Variants in DENND2A observed in about 807,000 individuals in gnomAD.
The protein encoded by DENND2A is DENN domain containing 2A, also known as DENN domain-containing protein 2A.
A neutral mutation model predicts 105.3 loss-of-function variants in DENND2A; 53 were observed. The ratio of observed to expected loss-of-function variants is 0.50; its 90% CI spans 0.40 to 0.63. The LOEUF (loss-of-function observed/expected upper bound fraction) is 0.63, where lower values mean the gene tolerates loss of function less well. Ranked by LOEUF, DENND2A falls within the 30% of genes least tolerant of loss-of-function variation. DENND2A has a pLI of 0.00. For missense variants in DENND2A, 1,138 were observed against 1,279.6 expected, an observed-to-expected ratio of 0.89 and a Z score of 1.69; for synonymous variants, 522 against 508.4, an observed-to-expected ratio of 1.03 and a Z score of -0.36.
At chr7:140,641,097 C>T (rs991837451), upstream of DENND2A, among the ~76,000 whole-genome samples, 2 of 152,298 alleles carry the variant, frequency 1.3e-5, no homozygotes, top group Non-Finnish European at 2.9e-5. Context: ...TAGACCTGGA[C>T]GTCCAAGCCT....
At chr7:140,525,848 T>C in intron 15 of DENND2A, 56 bp from the exon 16 acceptor site, 1 of 1,476,350 alleles carries the variant, frequency 6.8e-7, no homozygotes, top group Admixed American at 2.0e-5. Context: ...GGGATAGGGA[T>C]GGACTCATAG....
intron 3 of DENND2A, among the ~76,000 whole-genome samples, chr7:140,589,867 G>A (rs1798938764): frequency 6.6e-6 from 1 of 152,268 alleles, no homozygotes; most frequent in Middle Eastern, 3.4e-3. Context: ...GGGCTCAAGC[G>A]ATCCTCCTGT....
intron 1 of DENND2A, among the ~76,000 whole-genome samples, chr7:140,638,878 T>C (rs1233393693): frequency 2.0e-5 from 3 of 152,232 alleles, no homozygotes; most frequent in African/African-American, 7.2e-5. Flanking sequence ...ACAGCCAGGC[T>C]GGGCAGGACT....
intron 1 of DENND2A, among the ~76,000 whole-genome samples, chr7:140,638,493 G>T (rs531507053): frequency 7.2e-5 from 11 of 152,036 alleles, no homozygotes; most frequent in African/African-American, 2.7e-4. Flanking sequence ...AAAAGCCTTG[G>T]TCTCCTCCTC....
chr7:140,549,921 A>C (rs889242585), intron 12 of DENND2A, among the ~76,000 whole-genome samples: 1 of 152,232 alleles, frequency 6.6e-6, no homozygotes, highest in Non-Finnish European at 1.5e-5. Context: ...GTACATACAT[A>C]CAGTGGAATA....
chr7:140,545,448 T>C (rs1796856745), intron 13 of DENND2A, among the ~76,000 whole-genome samples: 1 of 152,156 alleles, frequency 6.6e-6, no homozygotes, highest in Non-Finnish European at 1.5e-5. Flanking sequence ...CCTCCCAGGT[T>C]TGAGCGATTC....
At chr7:140,520,541 A>G (rs991989911) in intron 18 of DENND2A, among the ~76,000 whole-genome samples, 5 of 149,504 alleles carry the variant, frequency 3.3e-5, no homozygotes, top group Non-Finnish European at 5.9e-5. Flanking sequence ...CTGATCTTTC[A>G]TGGACAGAGG....
intron 14 of DENND2A, among the ~76,000 whole-genome samples, chr7:140,540,312 G>T (rs1224499538): frequency 6.6e-6 from 1 of 152,268 alleles, no homozygotes; most frequent in Non-Finnish European, 1.5e-5. Context: ...CAACGTGCCC[G>T]TGGGGAGACC....
chr7:140,625,616 C>T (rs1800492528), intron 1 of DENND2A, among the ~76,000 whole-genome samples: 2 of 150,698 alleles, frequency 1.3e-5, no homozygotes, highest in South Asian at 4.2e-4. Flanking sequence ...CAGGAGGCAG[C>T]GTTTGCAGTG....
intron 14 of DENND2A, among the ~76,000 whole-genome samples, chr7:140,542,946 G>T (rs1014689005): frequency 6.6e-6 from 1 of 151,994 alleles, no homozygotes; most frequent in East Asian, 1.9e-4. Flanking sequence ...CCTGCAATGT[G>T]CTGACTACTT....
intron 14 of DENND2A, among the ~76,000 whole-genome samples, chr7:140,539,053 G>T (rs1796553588): frequency 1.3e-5 from 2 of 152,100 alleles, no homozygotes; most frequent in South Asian, 4.1e-4. Flanking sequence ...CGAACTCCTG[G>T]CCTCAAGCAA....
chr7:140,568,797 A>C lies in DENND2A; in HGVS notation c.1557T>G (p.Ser519Arg). The C allele has an allele frequency of 6.2e-7, 1 of 1,614,124 alleles. No homozygotes were observed. Among genetic ancestry groups the C allele is most frequent in the Non-Finnish European group, 8.5e-7 (1 of 1,180,004 alleles). ...SNSGKVTDENSESDSDTEEKL... is the reference protein window; with the variant it reads ...SNSGKVTDENRESDSDTEEKL... ...TCTCCTCTGTGTCACTGTCAGACTC[A>C]CTGTTCTCATCTGTCACTAGAAGAA... Residue 519 changes from serine to arginine, a missense_variant, in exon 8 of 20, where the codon AGT (serine) becomes AGG (arginine). Around this residue, in one of 2 missense-constraint regions of DENND2A, gnomAD observed 627 missense variants for 779.8 expected, o/e 0.80. Transcript: ENST00000496613.
intron 14 of DENND2A, among the ~76,000 whole-genome samples, chr7:140,534,198 C>T (rs1796375255): frequency 1.3e-5 from 2 of 150,720 alleles, no homozygotes; most frequent in East Asian, 3.9e-4. Context: ...GATTCTCCTG[C>T]CTCAGCCTCC....
intron 9 of DENND2A, among the ~76,000 whole-genome samples, chr7:140,560,667 C>T (rs1291136962): frequency 6.6e-6 from 1 of 150,952 alleles, no homozygotes; most frequent in African/African-American, 2.4e-5. Flanking sequence ...AGTGGTGGCT[C>T]ACACCTGTAA....
At chr7:140,532,995 T>A (rs1216522166) in intron 14 of DENND2A, among the ~76,000 whole-genome samples, 1 of 148,252 alleles carries the variant, frequency 6.7e-6, no homozygotes, top group Non-Finnish European at 1.5e-5. Flanking sequence ...TACCTGCTTT[T>A]TTTTTTTTTT....
rs942937636 is a variant in DENND2A, at chr7:140,527,768, C to T, written c.2328-273G>A. On this transcript the variant is annotated intron_variant, in intron 14 of 19. Transcript: ENST00000496613. This position sits in a 1 kb window ranked among gnomAD's most constrained non-coding sequence, Gnocchi z 4.9. Reference sequence around the variant, plus strand: ...ATGTGAGCTGCACGCCCTGCACTCTCCCGCCCTGACCTTTTTTTGTGATCT... The same window carrying T: ...ATGTGAGCTGCACGCCCTGCACTCTTCCGCCCTGACCTTTTTTTGTGATCT... Among the ~76,000 whole-genome samples, 20 of 152,146 alleles carry T rather than the reference C, an allele frequency of 1.3e-4. No individual in the cohort carries two copies. The highest frequency in any genetic ancestry group is 2.9e-4 in the Non-Finnish European group (20 of 68,014).
chr7:140,522,096 T>G lies in DENND2A; in HGVS notation c.2670A>C (p.Pro890=), dbSNP rs1217636787. Residue 890 remains proline (P), a synonymous_variant, in exon 18 of 20, where the codon CCA becomes CCC. Transcript: ENST00000496613. ...DEGPLDGRHG[P]ESSPLNEVVS... ...CCACCTCGTTCAAGGGGCTGGACTC[T>G]GGACCTGAGTAAGGGGAGGAAAGGC... The G allele has an allele frequency of 6.2e-7, 1 of 1,613,910 alleles. No individual in the cohort carries two copies. Among genetic ancestry groups the G allele is most frequent in the Admixed American group, 1.7e-5 (1 of 59,984 alleles).
At chr7:140,612,794 G>GT (rs1799946969) in intron 1 of DENND2A, among the ~76,000 whole-genome samples, 1 of 151,780 alleles carries the variant, frequency 6.6e-6, no homozygotes, top group Admixed American at 6.6e-5. Context: ...GAGCCACTGC[G>GT]TCCAGCCCTG....
intron 14 of DENND2A, among the ~76,000 whole-genome samples, chr7:140,539,546 A>G (rs1205345498): frequency 6.6e-6 from 1 of 152,190 alleles, no homozygotes; most frequent in Non-Finnish European, 1.5e-5. Flanking sequence ...CCAACCCTGG[A>G]GTCTGCAGCC....
Sources: gnomAD v4.1 joint callset for allele counts (sites outside exome capture counted in the v4.1 genomes callset) on GRCh38, gnomAD v4.1.1 for gene constraint, gnomAD v4.1.1 regional missense constraint, Gnocchi (gnomAD v3.1) non-coding constraint, MANE v1.5 for transcripts, NCBI Gene and HGNC (gene_info 2026-07-23, HGNC 2026-07-21) for gene names.